SKP1: variants seen among roughly 807,000 people sequenced by gnomAD.
The protein encoded by SKP1 is S-phase kinase-associated protein 1.
A neutral mutation model predicts 21.5 loss-of-function variants in SKP1; 1 was observed. The ratio of observed to expected loss-of-function variants is 0.05; its 90% CI spans 0.02 to 0.22. The LOEUF is 0.22. SKP1 is among the 10% of genes least tolerant of loss of function. The pLI is 1.00. For synonymous variants in SKP1, 59 were observed against 59.3 expected (o/e 0.99, Z 0.03); for missense variants, 70 against 192.0 (o/e 0.36, Z 3.76).
chr5:134,154,689 C>T lies in SKP1; in HGVS notation c.*3044G>A, dbSNP rs1256438899. On this transcript the variant is annotated 3_prime_UTR_variant, in exon 6 of 6. Coordinates refer to ENST00000353411, the MANE Select transcript of SKP1 (RefSeq NM_170679.3). ...GCAGCATGTTGTTTACAGAGGAAAC[C>T]GACAAACATCCTTCAATCACCCAAA... The T allele has an allele frequency of 1.3e-5, 2 of 152,024 alleles. No individual in the cohort carries two copies. The highest frequency in any genetic ancestry group is 4.8e-5 in the African/African-American group (2 of 41,372). 9.4% of individuals were successfully genotyped at this position (152,024 alleles called of 1,614,324 possible). A position where few individuals can be genotyped will look rare whatever the true frequency, so the allele number is the denominator to read the frequency against.
At chr5:134,163,487 T>TAA (rs1169032274) in intron 3 of SKP1, among the ~76,000 whole-genome samples, 5 of 136,022 alleles carry the variant, frequency 3.7e-5, no homozygotes, top group Non-Finnish European at 1.6e-5. Context: ...CAAACAGGCT[T>TAA]AAAAAAAAAA....
rs779233809 is a variant in SKP1 at position 134,157,819 on chromosome 5, A to G, written c.457-51T>C. 8 of 1,612,750 alleles carry G rather than the reference A, an allele frequency of 5.0e-6. No homozygotes were observed. The African/African-American group carries it at 9.3e-5, about 19-fold the overall frequency. The stretch of plus-strand genomic sequence containing the variant: ...ACCTTAACTTGAGTAGTCTTTCCTA[A>G]GACTTATAAATACTACCTACTGATT... On this transcript the variant is annotated intron_variant, in intron 5 of 5. Transcript: ENST00000353411.
At position 134,154,165 on chromosome 5, in the gene SKP1, G is replaced by T. The variant is rs1199483017; in HGVS notation, c.*3568C>A. The T allele has an allele frequency of 1.3e-5, 2 of 152,110 alleles. No homozygotes were observed. The highest frequency in any genetic ancestry group is 4.8e-5 in the African/African-American group (2 of 41,410). The allele number at this position is 152,110 out of a possible 1,614,324, so 9.4% of individuals were successfully genotyped here. A position where few individuals can be genotyped will look rare whatever the true frequency, so the allele number is the denominator to read the frequency against. On this transcript the variant is annotated 3_prime_UTR_variant, in exon 6 of 6. Coordinates refer to ENST00000353411, the MANE Select transcript of SKP1 (RefSeq NM_170679.3). ...TGCTTCTACAACTTAAGAATTATTAGGGCCGTGTGCGGTGGGTCACACGTG... is the reference window on the plus strand; with the variant it reads ...TGCTTCTACAACTTAAGAATTATTATGGCCGTGTGCGGTGGGTCACACGTG...
chr5:134,169,497 T>C (rs1400012117), intron 2 of SKP1, among the ~76,000 whole-genome samples: 1 of 152,138 alleles, frequency 6.6e-6, no homozygotes, highest in Non-Finnish European at 1.5e-5. Flanking sequence ...AACTAAGATA[T>C]TAGAGGAAAC....
At chr5:134,167,733 C>T (rs1416094611) in intron 2 of SKP1, among the ~76,000 whole-genome samples, 1 of 152,118 alleles carries the variant, frequency 6.6e-6, no homozygotes, top group Non-Finnish European at 1.5e-5. Context: ...ACCGTGTTAG[C>T]CAGGATGGTC....
chr5:134,149,637 C>G lies in SKP1; in HGVS notation c.*8096G>C, dbSNP rs983414658. The G allele has an allele frequency of 1.3e-5, 2 of 152,242 alleles. No homozygotes were observed. Among genetic ancestry groups the G allele is most frequent in the Admixed American group, 6.5e-5 (1 of 15,286 alleles). The allele number at this position is 152,242 out of a possible 1,614,324, so 9.4% of individuals were successfully genotyped here. ...CTGAGAGAGTGCTAGAGGACACTAG[C>G]CATTCTCTGGACATCTGTCCCATTT... On this transcript the variant is annotated 3_prime_UTR_variant, in exon 6 of 6. Coordinates refer to ENST00000353411, the MANE Select transcript of SKP1 (RefSeq NM_170679.3).
Position 134,155,127 on chromosome 5 carries a change from G to GC in SKP1, c.*2605dup, listed in dbSNP as rs1301422374. On this transcript the variant is annotated 3_prime_UTR_variant, in exon 6 of 6. Transcript: ENST00000353411. ...AAACCGTAGTACCTATTTCCAACTT[G>GC]CCCAAGGCCATGAAGACACTAAAAC... 2 of 152,160 alleles carry GC rather than the reference G, an allele frequency of 1.3e-5. No homozygotes were observed. Among genetic ancestry groups the GC allele is most frequent in the Non-Finnish European group, 2.9e-5 (2 of 68,026 alleles). The allele number at this position is 152,160 out of a possible 1,614,324, so 9.4% of individuals were successfully genotyped here.
chr5:134,171,977 G>C lies in SKP1; in HGVS notation c.97+1949C>G, dbSNP rs1761450183. Among the ~76,000 whole-genome samples, 2 of 152,232 alleles carry C rather than the reference G, an allele frequency of 1.3e-5. 1 individual carries two copies. Among genetic ancestry groups the C allele is most frequent in the Admixed American group, 1.3e-4 (2 of 15,284 alleles). ...GAGAAGTGCTTGAAGCCGGGAGGCAGAGGTGGCAGTGAGCTGAGATTGTAC... is the reference window on the plus strand; with the variant it reads ...GAGAAGTGCTTGAAGCCGGGAGGCACAGGTGGCAGTGAGCTGAGATTGTAC... On this transcript the variant is annotated intron_variant, in intron 2 of 5. Coordinates refer to ENST00000353411, the MANE Select transcript of SKP1 (RefSeq NM_170679.3).
rs1325794283 is a variant in SKP1, at chr5:134,152,336, C to CTA, written c.*5395_*5396dup. 6.6e-6 allele frequency: 1 copy of CTA among 152,160 alleles called. No homozygotes were observed. Among genetic ancestry groups the CTA allele is most frequent in the Non-Finnish European group, 1.5e-5 (1 of 68,068 alleles). The allele number at this position is 152,160 out of a possible 1,614,324, so 9.4% of individuals were successfully genotyped here. The stretch of plus-strand genomic sequence containing the variant: ...AATCCTGCCCTAATTTCTCTTTAGT[C>CTA]TATATTCTCAGGGAAATGTACCAAC... On this transcript the variant is annotated 3_prime_UTR_variant, in exon 6 of 6. Transcript: ENST00000353411.
At position 134,157,161 on chromosome 5, in the gene SKP1, TAAAGAA is replaced by T. The variant is rs1380066797; in HGVS notation, c.*566_*571del. The T allele has an allele frequency of 1.4e-4, 21 of 152,484 alleles. No individual in the cohort carries two copies. The highest frequency in any genetic ancestry group is 5.1e-4 in the African/African-American group (21 of 41,388). The allele number at this position is 152,484 out of a possible 1,614,324, so 9.4% of individuals were successfully genotyped here. A position where few individuals can be genotyped will look rare whatever the true frequency, so the allele number is the denominator to read the frequency against. The stretch of plus-strand genomic sequence containing the variant: ...TATTTAAAACTAAGAGGATTAAAAA[TAAAGAA>T]AAAGAAAACAAGTCCTCAGATGCAA... On this transcript the variant is annotated 3_prime_UTR_variant, in exon 6 of 6. Coordinates refer to ENST00000353411, the MANE Select transcript of SKP1 (RefSeq NM_170679.3).
chr5:134,157,893 CAACA>C (rs1296889530), intron 5 of SKP1, 125 bp from the exon 6 acceptor site: 1 of 1,593,136 alleles, frequency 6.3e-7, no homozygotes. Flanking sequence ...AAAATTAGAA[CAACA>C]CCAGGTTAAG....
intron 3 of SKP1, among the ~76,000 whole-genome samples, chr5:134,164,441 C>T (rs893776373): frequency 9.9e-5 from 15 of 152,000 alleles, no homozygotes; most frequent in African/African-American, 3.6e-4. Flanking sequence ...TTCCCCATTC[C>T]CTTCTTTATT....
intron 5 of SKP1, 152 bp from the exon 6 acceptor site, chr5:134,157,920 G>A: frequency 6.4e-7 from 1 of 1,552,108 alleles, no homozygotes; most frequent in Non-Finnish European, 8.7e-7. Context: ...TATATTTCCG[G>A]ATTTCCTTTC....
At position 134,157,016 on chromosome 5, in the gene SKP1, A is replaced by G. The variant is rs1053682264; in HGVS notation, c.*717T>C. 2.0e-5 allele frequency: 3 copies of G among 152,664 alleles called. No homozygotes were observed. The highest frequency in any genetic ancestry group is 4.4e-5 in the Non-Finnish European group (3 of 68,038). 9.5% of individuals were successfully genotyped at this position (152,664 alleles called of 1,614,324 possible). A position where few individuals can be genotyped will look rare whatever the true frequency, so the allele number is the denominator to read the frequency against. The stretch of plus-strand genomic sequence containing the variant: ...ATAATTTTCTCCACATGGGAACACT[A>G]ATTATAAAAAGATGACATCCCACAT... On this transcript the variant is annotated 3_prime_UTR_variant, in exon 6 of 6. Transcript: ENST00000353411.
intron 2 of SKP1, among the ~76,000 whole-genome samples, chr5:134,172,639 T>C (rs1355218456): frequency 1.3e-5 from 2 of 151,762 alleles, no homozygotes; most frequent in South Asian, 2.1e-4. Context: ...TCCCAGTACT[T>C]TGGGGTGCCG....
chr5:134,159,206 T>C (rs994025571), intron 4 of SKP1, among the ~76,000 whole-genome samples: 4 of 152,226 alleles, frequency 2.6e-5, no homozygotes. Context: ...CGATTTTTCA[T>C]GTGTTTTACT....
Position 134,176,914 on chromosome 5 carries a change from G to A in SKP1, c.-60C>T, listed in dbSNP as rs11538030. Reference sequence around the variant, plus strand: ...CTGACGAGAGCCGGGAGGCGTTAGCGAAGGAAGAGAAAAACCGAAGACGAA... The same window carrying A: ...CTGACGAGAGCCGGGAGGCGTTAGCAAAGGAAGAGAAAAACCGAAGACGAA... On this transcript the variant is annotated 5_prime_UTR_variant, in exon 1 of 6. Coordinates refer to ENST00000353411, the MANE Select transcript of SKP1 (RefSeq NM_170679.3). The A allele has an allele frequency of 2.6e-5, 4 of 152,836 alleles. No individual in the cohort carries two copies. The highest frequency in any genetic ancestry group is 2.1e-4 in the South Asian group (1 of 4,850). 9.5% of individuals were successfully genotyped at this position (152,836 alleles called of 1,614,324 possible). A position where few individuals can be genotyped will look rare whatever the true frequency, so the allele number is the denominator to read the frequency against.
chr5:134,169,993 T>C (rs1580621230), intron 2 of SKP1, among the ~76,000 whole-genome samples: 1 of 105,148 alleles, frequency 9.5e-6, no homozygotes, highest in Non-Finnish European at 1.8e-5. Context: ...AGAGTGAGAC[T>C]CCATCTCAAA....
chr5:134,172,727 T>C (rs1379802785), intron 2 of SKP1, among the ~76,000 whole-genome samples: 1 of 151,776 alleles, frequency 6.6e-6, no homozygotes, highest in African/African-American at 2.4e-5. Context: ...TATAAAAACA[T>C]TTAGGCTGGG....
Sources: allele counts gnomAD v4.1 joint callset (sites outside exome capture counted in the v4.1 genomes callset), GRCh38; gene constraint gnomAD v4.1.1; transcripts MANE v1.5; gene names NCBI Gene and HGNC (gene_info 2026-07-23, HGNC 2026-07-21).